Variants in ZNF804B observed in about 807,000 individuals in gnomAD.
ZNF804B encodes the protein zinc finger protein 804B.
In ZNF804B, 80 loss-of-function variants were observed where a neutral mutation model predicts 101.4. The observed-to-expected ratio is 0.79, with a 90% CI of 0.66 to 0.95. The LOEUF is 0.95. ZNF804B is among the 40% of genes least tolerant of loss of function. The pLI is 0.00. For missense variants in ZNF804B, 1,673 were observed against 1,561.9 expected (o/e 1.07, Z -1.20); for synonymous variants, 622 against 558.8 (o/e 1.11, Z -1.59).
At chr7:89,249,081 CACA>C (rs1282986949) in intron 2 of ZNF804B, among the ~76,000 whole-genome samples, 2 of 146,854 alleles carry the variant, frequency 1.4e-5, no homozygotes, top group African/African-American at 5.0e-5. Flanking sequence ...AAGTGTTTGA[CACA>C]ACAAGAAGAC....
intron 1 of ZNF804B, among the ~76,000 whole-genome samples, chr7:88,891,569 C>G (rs1792215262): frequency 6.6e-6 from 1 of 151,698 alleles, no homozygotes; most frequent in African/African-American, 2.4e-5. Context: ...AATTTGAGAA[C>G]AATTCTATTA....
chr7:89,155,770 T>A (rs1265927398), intron 1 of ZNF804B, among the ~76,000 whole-genome samples: 1 of 152,184 alleles, frequency 6.6e-6, no homozygotes, highest in Non-Finnish European at 1.5e-5. Context: ...TTCTATTATC[T>A]TTCTCTAGAA....
At chr7:89,106,621 A>G (rs1790141218) in intron 1 of ZNF804B, among the ~76,000 whole-genome samples, 1 of 152,154 alleles carries the variant, frequency 6.6e-6, no homozygotes, top group South Asian at 2.1e-4. Context: ...ATTCTTTAAG[A>G]AAGTCCCTTA....
intron 1 of ZNF804B, among the ~76,000 whole-genome samples, chr7:88,915,607 T>C (rs1190204960): frequency 6.6e-6 from 1 of 151,944 alleles, no homozygotes; most frequent in Non-Finnish European, 1.5e-5. Flanking sequence ...ATGTAAAAGA[T>C]TTTGTAGAAG....
intron 1 of ZNF804B, among the ~76,000 whole-genome samples, chr7:88,954,559 C>T (rs1342315846): frequency 6.6e-6 from 1 of 151,036 alleles, no homozygotes; most frequent in African/African-American, 2.4e-5. Flanking sequence ...AAACATGCCC[C>T]CCCCCCACCA....
chr7:89,303,544 C>A (rs958787334), intron 2 of ZNF804B, among the ~76,000 whole-genome samples: 1 of 151,870 alleles, frequency 6.6e-6, no homozygotes, highest in African/African-American at 2.4e-5. Context: ...TAATTCTGAG[C>A]AAGTTATCCA....
At chr7:88,782,133 GTGT>G (rs869286118) in intron 1 of ZNF804B, among the ~76,000 whole-genome samples, 3 of 147,218 alleles carry the variant, frequency 2.0e-5, no homozygotes, top group African/African-American at 7.7e-5. Context: ...GTGTGTGTGT[GTGT>G]TGTGTAATAG....
chr7:88,779,100 T>G (rs1790187170), intron 1 of ZNF804B, among the ~76,000 whole-genome samples: 1 of 152,218 alleles, frequency 6.6e-6, no homozygotes, highest in Non-Finnish European at 1.5e-5. Context: ...AAAAGACTAC[T>G]AAATGACATG....
At position 88,934,877 on chromosome 7, in the gene ZNF804B, G is replaced by A. The variant is rs114670931; in HGVS notation, c.108+174793G>A. Reference sequence around the variant, plus strand: ...TTCAATCCAGCGATCCCACTACTGGGTATCTACCCAGAGGAAAATATATTG... The same window carrying A: ...TTCAATCCAGCGATCCCACTACTGGATATCTACCCAGAGGAAAATATATTG... On this transcript the variant is annotated intron_variant, in intron 1 of 3. Coordinates refer to ENST00000333190, the MANE Select transcript of ZNF804B (RefSeq NM_181646.5). 8.4e-3 allele frequency among the ~76,000 whole-genome samples: 1,274 copies of A among 151,930 alleles called. 16 individuals are homozygous for A. Among genetic ancestry groups the A allele is most frequent in the African/African-American group, 0.029 (1,210 of 41,468 alleles).
chr7:88,845,986 T>C (rs957243316), intron 1 of ZNF804B, among the ~76,000 whole-genome samples: 4 of 152,188 alleles, frequency 2.6e-5, no homozygotes, highest in Admixed American at 6.5e-5. Flanking sequence ...ATCATCAACA[T>C]AGAAGTCTGA....
intron 2 of ZNF804B, among the ~76,000 whole-genome samples, chr7:89,302,666 C>T (rs1790494317): frequency 6.6e-6 from 1 of 151,926 alleles, no homozygotes; most frequent in South Asian, 2.1e-4. Flanking sequence ...AGCTACACTT[C>T]CTGCCAGGTC....
intron 1 of ZNF804B, among the ~76,000 whole-genome samples, chr7:88,965,424 A>G (rs910578936): frequency 2.1e-4 from 32 of 151,322 alleles, no homozygotes; most frequent in African/African-American, 6.8e-4. Flanking sequence ...GCTAGGAGCT[A>G]TTTTTTTGCT....
At chr7:89,215,759 T>C (rs1352095383) in intron 1 of ZNF804B, among the ~76,000 whole-genome samples, 1 of 151,764 alleles carries the variant, frequency 6.6e-6, no homozygotes, top group African/African-American at 2.4e-5. Context: ...AGCGGGCTCC[T>C]GTAGTGCAAG....
At chr7:89,295,944 GC>G (rs1562939628) in intron 2 of ZNF804B, among the ~76,000 whole-genome samples, 2 of 152,088 alleles carry the variant, frequency 1.3e-5, no homozygotes, top group African/African-American at 4.8e-5. Context: ...TGGGAGCTAA[GC>G]TTTGAATACG....
chr7:88,971,548 C>G (rs764174935), intron 1 of ZNF804B, among the ~76,000 whole-genome samples: 3 of 151,650 alleles, frequency 2.0e-5, no homozygotes, highest in Non-Finnish European at 4.4e-5. Flanking sequence ...AAATAATTAT[C>G]TGCAGAATAA....
chr7:89,330,492 T>G (rs1375820793), intron 3 of ZNF804B, among the ~76,000 whole-genome samples: 1 of 151,594 alleles, frequency 6.6e-6, no homozygotes, highest in Non-Finnish European at 1.5e-5. Flanking sequence ...TCCAGTTATA[T>G]CTCAATAAAC....
At chr7:89,309,586 C>A (rs1206314669) in intron 2 of ZNF804B, among the ~76,000 whole-genome samples, 1 of 151,316 alleles carries the variant, frequency 6.6e-6, no homozygotes, top group Non-Finnish European at 1.5e-5. Context: ...ATGGTAAAAC[C>A]CCATCTCTAC....
chr7:89,254,657 T>A lies in ZNF804B; in HGVS notation c.249+36362T>A, dbSNP rs1055519029. ...TTTTATTTTTATTTTTATTATTTTTTTTTTTTGAGTCAGAATCTCACTCTG... is the reference window on the plus strand; with the variant it reads ...TTTTATTTTTATTTTTATTATTTTTATTTTTTGAGTCAGAATCTCACTCTG... On this transcript the variant is annotated intron_variant, in intron 2 of 3. Transcript: ENST00000333190. 8.6e-5 allele frequency among the ~76,000 whole-genome samples: 13 copies of A among 150,704 alleles called. 1 individual carries two copies. The highest frequency in any genetic ancestry group is 3.4e-3 in the Middle Eastern group (1 of 294).
In ZNF804B at chr7:88,759,994, C is replaced by A. The variant is rs1225970201; in HGVS notation, c.18C>A (p.Val6=). MACYL[V]ISSRHLSNGH... is the part of the protein sequence containing the mutation. ...GGACCCACATGGCTTGTTACCTGGT[C>A]ATCAGTTCGAGACATCTCAGCAATG... The change falls in exon 1 of 4, where the codon GTC becomes GTA. Residue 6 remains valine (V), a synonymous_variant. Transcript: ENST00000333190. The A allele has an allele frequency of 6.2e-7, 1 of 1,614,178 alleles. No individual in the cohort carries two copies. Among genetic ancestry groups the A allele is most frequent in the South Asian group, 1.1e-5 (1 of 91,068 alleles).
Sources: gnomAD v4.1 joint callset for allele counts (sites outside exome capture counted in the v4.1 genomes callset) on GRCh38, gnomAD v4.1.1 for gene constraint, MANE v1.5 for transcripts, NCBI Gene and HGNC (gene_info 2026-07-23, HGNC 2026-07-21) for gene names.